Variants in SPOCK3 observed in about 807,000 individuals in gnomAD.
SPOCK3 encodes SPARC (osteonectin), cwcv and kazal like domains proteoglycan 3.
Under a neutral mutation model 56.6 loss-of-function variants are expected in SPOCK3, and 30 were observed. The observed-to-expected ratio is 0.53, with a 90% CI of 0.40 to 0.72. The LOEUF (loss-of-function observed/expected upper bound fraction) is 0.72. Among genes scored for constraint, SPOCK3 ranks in the 30% least tolerant of loss-of-function variants. The probability of loss-of-function intolerance (pLI) is 0.00; values close to 1 mark genes in which losing one functional copy is unlikely to be tolerated. For synonymous variants in SPOCK3, 196 were observed against 183.3 expected (o/e 1.07, Z -0.56); for missense variants, 527 against 530.0 (o/e 0.99, Z 0.06).
intron 2 of SPOCK3, among the ~76,000 whole-genome samples, chr4:167,069,627 G>T (rs1220183267): frequency 6.6e-6 from 1 of 151,844 alleles, no homozygotes; most frequent in Non-Finnish European, 1.5e-5. Flanking sequence ...CTTGAGTCAG[G>T]TCAAGCATGT....
At chr4:166,955,538 ATAT>A (rs946882314) in intron 4 of SPOCK3, among the ~76,000 whole-genome samples, 207 of 122,266 alleles carry the variant, frequency 1.7e-3, no homozygotes, top group African/African-American at 7.0e-3. Context: ...ATTAAATTTA[ATAT>A]TATTAAATTA....
At chr4:166,935,962 G>T (rs575905530) in intron 4 of SPOCK3, among the ~76,000 whole-genome samples, 5 of 152,260 alleles carry the variant, frequency 3.3e-5, no homozygotes, top group Admixed American at 2.6e-4. Context: ...AATTGAATTT[G>T]TATGAGAAGG....
intron 3 of SPOCK3, among the ~76,000 whole-genome samples, chr4:167,054,848 T>C (rs778775346): frequency 4.6e-5 from 7 of 152,200 alleles, no homozygotes; most frequent in African/African-American, 7.2e-5. Flanking sequence ...TTTGCAAGTG[T>C]AAATGTGTCT....
rs572673932 is a variant in SPOCK3 at position 166,882,653 on chromosome 4, C to A, written c.589+6477G>T. On this transcript the variant is annotated intron_variant, in intron 6 of 10. Transcript: ENST00000357545. ...CTGATAACATACAACTACATAAGCT[C>A]AAAATTCAAAATTTCTAAGTAAAAT... Among the ~76,000 whole-genome samples the A allele has an allele frequency of 5.9e-5, 9 of 152,120 alleles. No individual in the cohort carries two copies. The South Asian group carries it at 1.9e-3, about 32-fold the overall frequency.
rs560624774 is a variant in SPOCK3 at position 166,824,226 on chromosome 4, G to C, written c.590-31937C>G. On this transcript the variant is annotated intron_variant, in intron 6 of 10. Transcript: ENST00000357545. ...AAGCTTGTTTGTTACTAACTCTAGT[G>C]ACCACATCTTTTTCCTTGATCAGCC... is the stretch of plus-strand genomic sequence containing the variant. Among the ~76,000 whole-genome samples the C allele has an allele frequency of 6.6e-5, 10 of 152,144 alleles. No homozygotes were observed. The East Asian group carries it at 1.7e-3, about 27-fold the overall frequency.
intron 4 of SPOCK3, among the ~76,000 whole-genome samples, chr4:166,927,675 T>G (rs1739272813): frequency 6.6e-6 from 1 of 152,180 alleles, no homozygotes; most frequent in South Asian, 2.1e-4. Flanking sequence ...TTGGAAAGTT[T>G]TTTTAGATAC....
In SPOCK3 at chr4:166,735,034, C is replaced by T. The variant is rs1442370328; in HGVS notation, c.1189G>A (p.Asp397Asn). 1 of 1,591,566 alleles carries T rather than the reference C, an allele frequency of 6.3e-7. No homozygotes were observed. The highest frequency in any genetic ancestry group is 1.7e-5 in the Admixed American group (1 of 59,528). ...ATATCGTCTTCATCATCCTCATCAT[C>T]AGTCCATTCATGAAAATCGCCACTA... is the stretch of plus-strand genomic sequence containing the variant. ...FASGDFHEWT[D>N]DEDDEDDIMN... Residue 397 changes from aspartate (D) to asparagine (N), a missense_variant, in exon 11 of 11, where the codon GAT becomes AAT. Transcript: ENST00000357545.
At chr4:167,076,249 A>G (rs894706425) in intron 2 of SPOCK3, among the ~76,000 whole-genome samples, 1 of 151,902 alleles carries the variant, frequency 6.6e-6, no homozygotes, top group African/African-American at 2.4e-5. Flanking sequence ...TGTCCAAACC[A>G]GTAGAATGAA....
intron 5 of SPOCK3, among the ~76,000 whole-genome samples, chr4:166,893,901 C>G (rs1041753224): frequency 3.3e-5 from 5 of 152,064 alleles, no homozygotes; most frequent in Non-Finnish European, 5.9e-5. Flanking sequence ...AAGAAAACAC[C>G]GTTCACTAAA....
intron 8 of SPOCK3, among the ~76,000 whole-genome samples, chr4:166,745,456 C>G (rs914206621): frequency 3.3e-5 from 5 of 152,132 alleles, no homozygotes; most frequent in African/African-American, 1.2e-4. Context: ...TTTCTCACCA[C>G]CAGGCCTGCC....
chr4:166,955,394 A>G (rs1019956336), intron 4 of SPOCK3, among the ~76,000 whole-genome samples: 1 of 150,118 alleles, frequency 6.7e-6, no homozygotes, highest in East Asian at 1.9e-4. Flanking sequence ...GCATTTCAGC[A>G]CATGTCAGTA....
intron 4 of SPOCK3, among the ~76,000 whole-genome samples, chr4:166,926,613 T>A (rs1476638003): frequency 2.0e-5 from 3 of 152,174 alleles, no homozygotes. Flanking sequence ...GTTGCCTTTA[T>A]GTCCAAGCAA....
At chr4:166,799,982 C>A (rs1742368730) in intron 6 of SPOCK3, among the ~76,000 whole-genome samples, 1 of 151,702 alleles carries the variant, frequency 6.6e-6, no homozygotes, top group South Asian at 2.1e-4. Context: ...GAGATTGAGA[C>A]CATCCTGGCT....
At chr4:167,132,550 T>C (rs1762786439) in intron 2 of SPOCK3, among the ~76,000 whole-genome samples, 1 of 152,216 alleles carries the variant, frequency 6.6e-6, no homozygotes, top group Non-Finnish European at 1.5e-5. Flanking sequence ...TTTCTGAACT[T>C]TGAAATTTAG....
intron 4 of SPOCK3, among the ~76,000 whole-genome samples, chr4:166,924,739 G>A (rs1408077655): frequency 6.6e-6 from 1 of 152,202 alleles, no homozygotes; most frequent in East Asian, 1.9e-4. Flanking sequence ...CCAGGGTGTG[G>A]ACTCCCATGG....
At chr4:166,776,426 C>T (rs2126595944) in intron 7 of SPOCK3, among the ~76,000 whole-genome samples, 1 of 146,702 alleles carries the variant, frequency 6.8e-6, no homozygotes, top group South Asian at 2.3e-4. Context: ...CAAAAGAAAA[C>T]AAAAAAACAA....
intron 6 of SPOCK3, among the ~76,000 whole-genome samples, chr4:166,852,573 G>C (rs1030933774): frequency 4.1e-4 from 62 of 152,230 alleles, no homozygotes; most frequent in African/African-American, 1.5e-3. Flanking sequence ...TCTGATAAGA[G>C]ACCACCAACC....
At chr4:166,786,660 A>G (rs933059099) in intron 7 of SPOCK3, among the ~76,000 whole-genome samples, 3 of 152,240 alleles carry the variant, frequency 2.0e-5, no homozygotes, top group Non-Finnish European at 4.4e-5. Flanking sequence ...GTCAATTCTT[A>G]GATGACTTAT....
rs1252681762 is a variant in SPOCK3, at chr4:167,234,479, C to T, written c.-30G>A. 7.5e-6 allele frequency: 3 copies of T among 400,242 alleles called. No homozygotes were observed. The highest frequency in any genetic ancestry group is 1.4e-5 in the Non-Finnish European group (3 of 219,030). 24.8% of individuals were successfully genotyped at this position (400,242 alleles called of 1,614,324 possible). On this transcript the variant is annotated 5_prime_UTR_variant, in exon 1 of 11. Coordinates refer to ENST00000357545, the MANE Select transcript of SPOCK3 (RefSeq NM_001040159.2). ...TTGTGAGCCAGCACTGTGCTCGCAGCTCCTGCTGGAAATGCAGCCCTGCTC... is the reference window on the plus strand; with the variant it reads ...TTGTGAGCCAGCACTGTGCTCGCAGTTCCTGCTGGAAATGCAGCCCTGCTC...
Sources: allele counts gnomAD v4.1 joint callset (sites outside exome capture counted in the v4.1 genomes callset), GRCh38; gene constraint gnomAD v4.1.1; transcripts MANE v1.5; gene names NCBI Gene and HGNC (gene_info 2026-07-23, HGNC 2026-07-21).